Variants in TXLNB observed in about 807,000 individuals in gnomAD.
TXLNB encodes taxilin beta, also known as beta-taxilin.
Under a neutral mutation model 57.4 loss-of-function variants are expected in TXLNB, and 37 were observed. The ratio of observed to expected loss-of-function variants is 0.64; its 90% CI spans 0.50 to 0.85. The LOEUF (loss-of-function observed/expected upper bound fraction) is 0.85, where lower values mean the gene tolerates loss of function less well. Among genes scored for constraint, TXLNB ranks in the 40% least tolerant of loss-of-function variants. TXLNB has a pLI of 0.00. For synonymous variants in TXLNB, 302 were observed against 309.6 expected (o/e 0.98, Z 0.26); for missense variants, 848 against 825.6 (o/e 1.03, Z -0.33).
chr6:139,314,693 G>C, the TXLNB span, among the ~76,000 whole-genome samples: 1 of 152,116 alleles, frequency 6.6e-6, no homozygotes, highest in African/African-American at 2.4e-5. Flanking sequence ...GTGATTACTT[G>C]TATCTGGAAC....
the TXLNB span, among the ~76,000 whole-genome samples, chr6:139,201,230 G>A: frequency 9.7e-4 from 148 of 152,278 alleles, no homozygotes; most frequent in Non-Finnish European, 1.7e-3. Context: ...AAGTGAAATT[G>A]ATGGAGGCCA....
At chr6:139,208,280 C>G in the TXLNB span, among the ~76,000 whole-genome samples, 24 of 152,088 alleles carry the variant, frequency 1.6e-4, no homozygotes, top group African/African-American at 5.5e-4. Context: ...CAATAGCAAG[C>G]AATGAGATTG....
At chr6:139,217,351 C>T in the TXLNB span, among the ~76,000 whole-genome samples, 1 of 152,150 alleles carries the variant, frequency 6.6e-6, no homozygotes, top group Non-Finnish European at 1.5e-5. Context: ...TGCAAAGCCA[C>T]TTTGCACAGA....
chr6:139,323,283 T>C, the TXLNB span, among the ~76,000 whole-genome samples: 1 of 119,770 alleles, frequency 8.3e-6, no homozygotes, highest in Admixed American at 8.8e-5. Context: ...ATTTGTTTAG[T>C]TTTTTTTTTT....
intron 7 of TXLNB, among the ~76,000 whole-genome samples, chr6:139,254,987 G>A (rs1776298548): frequency 6.6e-6 from 1 of 151,940 alleles, no homozygotes; most frequent in East Asian, 1.9e-4. Flanking sequence ...CCTGGCTAAT[G>A]TTTATATATT....
the TXLNB span, among the ~76,000 whole-genome samples, chr6:139,203,791 C>T: frequency 1.3e-5 from 2 of 152,126 alleles, no homozygotes; most frequent in Non-Finnish European, 2.9e-5. Context: ...GAGGCCACTT[C>T]CTAAAATTTC....
rs1379856306 is a variant in TXLNB, at chr6:139,240,898, T to C, written c.*1628A>G. ...TTTCCTGGATGAGTACTAGAGAATT[T>C]TGTTTCTATCCATTTTTCTACTTGA... On this transcript the variant is annotated 3_prime_UTR_variant, in exon 10 of 10. Coordinates refer to ENST00000358430, the MANE Select transcript of TXLNB (RefSeq NM_153235.4). 2 of 152,242 alleles carry C rather than the reference T, an allele frequency of 1.3e-5. No individual in the cohort carries two copies. Among genetic ancestry groups the C allele is most frequent in the Non-Finnish European group, 2.9e-5 (2 of 68,048 alleles). 9.4% of individuals were successfully genotyped at this position (152,242 alleles called of 1,614,324 possible).
chr6:139,228,901 T>C, the TXLNB span, among the ~76,000 whole-genome samples: 1 of 152,160 alleles, frequency 6.6e-6, no homozygotes, highest in Non-Finnish European at 1.5e-5. Context: ...CTATGGCAGT[T>C]CTGGAGCTGC....
At position 139,260,336 on chromosome 6, in the gene TXLNB, G is replaced by A. The variant is rs1331491440; in HGVS notation, c.984C>T (p.His328=). The A allele has an allele frequency of 6.2e-7, 1 of 1,614,012 alleles. No individual in the cohort carries two copies. The highest frequency in any genetic ancestry group is 1.7e-5 in the Admixed American group (1 of 59,988). ...QEMMKEAEER[H]KREKEYLLNQ... ...TAAATACATATTCCTTTTCTCGTTT[G>A]TGTCGCTCCTCCGCTTCCTTCATCA... is the stretch of plus-strand genomic sequence containing the variant. Residue 328 remains histidine, a synonymous_variant, in exon 6 of 10, where the codon CAC becomes CAT. Coordinates refer to ENST00000358430, the MANE Select transcript of TXLNB (RefSeq NM_153235.4).
the TXLNB span, among the ~76,000 whole-genome samples, chr6:139,228,030 G>A: frequency 6.6e-6 from 1 of 152,180 alleles, no homozygotes; most frequent in Admixed American, 6.5e-5. Flanking sequence ...TTAAAGATAT[G>A]TTGAGAAATT....
At chr6:139,320,406 C>A in the TXLNB span, among the ~76,000 whole-genome samples, 1 of 152,140 alleles carries the variant, frequency 6.6e-6, no homozygotes, top group African/African-American at 2.4e-5. Context: ...CTTGCTAGCT[C>A]GTTATGAGTT....
intron 3 of TXLNB, 94 bp from the exon 4 acceptor site, chr6:139,270,720 G>A: frequency 8.8e-7 from 1 of 1,132,062 alleles, no homozygotes; most frequent in Non-Finnish European, 1.3e-6. Flanking sequence ...CTCTGTGGTT[G>A]TTTGGAAACA....
chr6:139,282,994 A>G lies in TXLNB; in HGVS notation c.424+5482T>C, dbSNP rs1235762059. On this transcript the variant is annotated intron_variant, in intron 2 of 9. Transcript: ENST00000358430. ...TTGTCAAAGAAGTGATAAATGAGAG[A>G]TACCTCTGAGCCTGGAGGATGCGAG... 2 of 145,616 alleles carry G rather than the reference A, an allele frequency of 1.4e-5. 1 individual carries two copies. Among genetic ancestry groups the G allele is most frequent in the African/African-American group, 5.1e-5 (2 of 39,532 alleles). 9.0% of individuals were successfully genotyped at this position (145,616 alleles called of 1,614,324 possible).
the TXLNB span, among the ~76,000 whole-genome samples, chr6:139,168,373 CT>C: frequency 1.3e-5 from 2 of 149,568 alleles, no homozygotes; most frequent in Non-Finnish European, 3.0e-5. Flanking sequence ...ACCATATAGT[CT>C]AGGACTCCTT....
chr6:139,209,487 A>C, the TXLNB span, among the ~76,000 whole-genome samples: 1 of 152,164 alleles, frequency 6.6e-6, no homozygotes, highest in Admixed American at 6.5e-5. Context: ...CACCTAGCCA[A>C]AGGAAGGCTA....
chr6:139,292,061 C>T (rs1583034754), upstream of TXLNB: 1 of 142,500 alleles, frequency 7.0e-6, no homozygotes, highest in Non-Finnish European at 1.5e-5. This position sits in a 1 kb window ranked among gnomAD's most constrained non-coding sequence, Gnocchi z 4.0. Context: ...CACACACACA[C>T]ATACACACGT....
the TXLNB span, among the ~76,000 whole-genome samples, chr6:139,302,489 T>C: frequency 6.6e-6 from 1 of 151,562 alleles, no homozygotes; most frequent in African/African-American, 2.4e-5. Flanking sequence ...GTTAGCTGGG[T>C]GCGGTGGCTC....
chr6:139,242,651 T>C lies in TXLNB; in HGVS notation c.1930A>G (p.Met644Val), dbSNP rs867398934. ...CTACTGGGCTCGCATGCAGGCACCA[T>C]GGCTGCAACGTGCTCTTCTGCTGCG... ...ACAAEEHVAAMVPACEPSRQP... is the reference protein window; with the variant it reads ...ACAAEEHVAAVVPACEPSRQP... The change falls in exon 10 of 10, where the codon ATG becomes GTG. Residue 644 changes from methionine to valine, a missense_variant. By Grantham distance (21) the Met-to-Val change is conservative (BLOSUM62 1). Coordinates refer to ENST00000358430, the MANE Select transcript of TXLNB (RefSeq NM_153235.4). 2.5e-6 allele frequency: 4 copies of C among 1,609,784 alleles called. No individual in the cohort carries two copies. Among genetic ancestry groups the C allele is most frequent in the Middle Eastern group, 3.5e-4 (2 of 5,754 alleles).
chr6:139,293,630 G>A (rs1777342430), upstream of TXLNB, among the ~76,000 whole-genome samples: 1 of 151,950 alleles, frequency 6.6e-6, no homozygotes, highest in Non-Finnish European at 1.5e-5. Context: ...TTTTTAAGCT[G>A]CTAAATTTGT....
Sources: allele counts gnomAD v4.1 joint callset (sites outside exome capture counted in the v4.1 genomes callset), GRCh38; gene constraint gnomAD v4.1.1; non-coding constraint Gnocchi (gnomAD v3.1); transcripts MANE v1.5; gene names NCBI Gene and HGNC (gene_info 2026-07-23, HGNC 2026-07-21).